Variants in GOLIM4 observed in about 807,000 individuals in gnomAD.
GOLIM4 encodes golgi integral membrane protein 4, also known as 130 kDa golgi-localized phosphoprotein.
GOLIM4 carries 71 observed loss-of-function variants against 107.4 expected under a neutral mutation model. The ratio of observed to expected loss-of-function variants is 0.66; its 90% CI spans 0.55 to 0.81. GOLIM4 has a LOEUF of 0.81. GOLIM4 is among the 30% of genes least tolerant of loss of function. The pLI is 0.00. For missense variants in GOLIM4, 830 were observed against 826.1 expected (o/e 1.00, Z -0.06); for synonymous variants, 327 against 294.8 (o/e 1.11, Z -1.12).
chr3:168,023,881 C>A (rs536531088), intron 14 of GOLIM4, among the ~76,000 whole-genome samples: 1 of 151,912 alleles, frequency 6.6e-6, no homozygotes, highest in Non-Finnish European at 1.5e-5. Context: ...CCACAATAAA[C>A]GCTACTTATA....
At chr3:168,057,898 C>A (rs886118299) in intron 1 of GOLIM4, among the ~76,000 whole-genome samples, 1 of 152,154 alleles carries the variant, frequency 6.6e-6, no homozygotes, top group African/African-American at 2.4e-5. Flanking sequence ...TCATTCTCTT[C>A]CACCTTTCCC....
Position 168,095,574 on chromosome 3 carries a change from T to A in GOLIM4, c.-289A>T, listed in dbSNP as rs11065. On this transcript the variant is annotated 5_prime_UTR_variant, in exon 1 of 16. Coordinates refer to ENST00000470487, the MANE Select transcript of GOLIM4 (RefSeq NM_014498.5). ...GCCCTCCGCATACTTCAGAGCCGGC[T>A]GCCCTCGCGCCTGTCCCCAGATGCC... is the stretch of plus-strand genomic sequence containing the variant. The A allele has an allele frequency of 2.6e-6, 1 of 388,438 alleles. No homozygotes were observed. Among genetic ancestry groups the A allele is most frequent in the African/African-American group, 2.2e-5 (1 of 46,018 alleles). The allele number at this position is 388,438 out of a possible 1,614,324, so 24.1% of individuals were successfully genotyped here.
At chr3:168,011,139 C>A (rs57058355) in intron 14 of GOLIM4, among the ~76,000 whole-genome samples, 25,642 of 146,916 alleles carry the variant, frequency 0.17, 5,272 homozygotes, top group African/African-American at 0.5. Context: ...TACCAGGTTC[C>A]TCTCACTAGG....
intron 2 of GOLIM4, 138 bp downstream of exon 2, chr3:168,048,153 T>G: frequency 1.5e-6 from 1 of 655,040 alleles, no homozygotes; most frequent in Non-Finnish European, 2.8e-6. Flanking sequence ...TTACTTGACA[T>G]GTCTTTCTCT....
intron 1 of GOLIM4, among the ~76,000 whole-genome samples, chr3:168,083,869 G>T (rs763916064): frequency 6.6e-6 from 1 of 152,196 alleles, no homozygotes; most frequent in Non-Finnish European, 1.5e-5. Flanking sequence ...GCTGAATTCA[G>T]CATGTGCTGA....
At chr3:168,054,038 G>A (rs1048517567) in intron 1 of GOLIM4, among the ~76,000 whole-genome samples, 59 of 152,144 alleles carry the variant, frequency 3.9e-4, no homozygotes, top group Admixed American at 1.2e-3. Context: ...CTTCAAAAAC[G>A]TCTCCTCAGA....
chr3:168,058,766 A>G (rs1302669751), intron 1 of GOLIM4, among the ~76,000 whole-genome samples: 2 of 152,214 alleles, frequency 1.3e-5, no homozygotes, highest in African/African-American at 4.8e-5. Flanking sequence ...GCACTCTACA[A>G]AGCAAATACT....
intron 7 of GOLIM4, among the ~76,000 whole-genome samples, chr3:168,038,898 T>C (rs1017837123): frequency 6.6e-6 from 1 of 152,200 alleles, no homozygotes; most frequent in Admixed American, 6.5e-5. Context: ...AGAATGGGAT[T>C]AGTGCCCTTG....
chr3:168,030,737 G>A (rs1054706004), intron 9 of GOLIM4, among the ~76,000 whole-genome samples: 4 of 152,280 alleles, frequency 2.6e-5, no homozygotes, highest in Non-Finnish European at 5.9e-5. Context: ...TGTGGAGAAA[G>A]GGGAACCCTC....
At chr3:168,080,560 C>T (rs553221196) in intron 1 of GOLIM4, among the ~76,000 whole-genome samples, 1 of 152,284 alleles carries the variant, frequency 6.6e-6, no homozygotes, top group Admixed American at 6.5e-5. Context: ...GGCTTACTTT[C>T]TTCATTGATA....
intron 7 of GOLIM4, among the ~76,000 whole-genome samples, chr3:168,040,165 G>A (rs773014447): frequency 3.3e-5 from 5 of 152,078 alleles, no homozygotes; most frequent in African/African-American, 7.2e-5. Context: ...GCATGAAATC[G>A]CTTTAATAAG....
At chr3:168,082,544 C>A (rs1721424559) in intron 1 of GOLIM4, among the ~76,000 whole-genome samples, 1 of 152,104 alleles carries the variant, frequency 6.6e-6, no homozygotes, top group South Asian at 2.1e-4. Flanking sequence ...TTCACATGGA[C>A]CCTGCTCGAA....
At chr3:168,045,218 G>A (rs564665658) in intron 3 of GOLIM4, among the ~76,000 whole-genome samples, 2 of 152,238 alleles carry the variant, frequency 1.3e-5, no homozygotes, top group South Asian at 2.1e-4. Flanking sequence ...CAGAGTCACC[G>A]CGCAGGGCTA....
At chr3:168,051,001 A>G (rs544321811) in intron 1 of GOLIM4, among the ~76,000 whole-genome samples, 10 of 152,226 alleles carry the variant, frequency 6.6e-5, no homozygotes, top group African/African-American at 1.9e-4. Flanking sequence ...GAATTTACAA[A>G]TTACAATCTG....
chr3:168,074,812 A>T (rs1423488568), intron 1 of GOLIM4, among the ~76,000 whole-genome samples: 1 of 152,188 alleles, frequency 6.6e-6, no homozygotes, highest in Non-Finnish European at 1.5e-5. Context: ...AAAACAGTAA[A>T]CACAATTATA....
chr3:168,046,009 A>G (rs1719282477), intron 3 of GOLIM4, among the ~76,000 whole-genome samples: 1 of 152,180 alleles, frequency 6.6e-6, no homozygotes, highest in Non-Finnish European at 1.5e-5. Flanking sequence ...GCTCTCAAGT[A>G]GCTGGGAATA....
chr3:168,018,073 A>C (rs80137085), intron 14 of GOLIM4, among the ~76,000 whole-genome samples: 4,481 of 152,294 alleles, frequency 0.029, 208 homozygotes, highest in African/African-American at 0.1. Flanking sequence ...AGTCACTTGA[A>C]TGCATTTCAA....
chr3:168,095,162 T>G lies in GOLIM4; in HGVS notation c.124A>C (p.Lys42Gln). The G allele has an allele frequency of 6.2e-7, 1 of 1,612,372 alleles. No homozygotes were observed. Among genetic ancestry groups the G allele is most frequent in the African/African-American group, 1.3e-5 (1 of 75,024 alleles). ...TACTTGAGCGCCACCGCCTCGGCTT[T>G]CCGCAGCTGCGTCTGCAGCTCGTAG... ...LYYELQTQLR[K>Q]AEAVALKYQQ... Residue 42 changes from lysine to glutamine, a missense_variant, in exon 1 of 16, where the codon AAA (lysine) becomes CAA (glutamine). Transcript: ENST00000470487.
intron 12 of GOLIM4, 115 bp downstream of exon 12, chr3:168,027,613 G>A (rs1718066434): frequency 1.4e-6 from 1 of 709,144 alleles, no homozygotes; most frequent in Non-Finnish European, 2.6e-6. Context: ...TTTCCTTCTG[G>A]GCTGAGGATA....
Sources: gnomAD v4.1 joint callset for allele counts (sites outside exome capture counted in the v4.1 genomes callset) on GRCh38, gnomAD v4.1.1 for gene constraint, MANE v1.5 for transcripts, NCBI Gene and HGNC (gene_info 2026-07-23, HGNC 2026-07-21) for gene names.